SLC2A13: variants seen among roughly 807,000 people sequenced by gnomAD.
SLC2A13 encodes solute carrier family 2 member 13.
Under a neutral mutation model 64.4 loss-of-function variants are expected in SLC2A13, and 32 were observed. That is an observed-to-expected ratio of 0.50 (90% confidence interval 0.37 to 0.67). The LOEUF (loss-of-function observed/expected upper bound fraction) is 0.67, where lower values mean the gene tolerates loss of function less well. SLC2A13 is among the 30% of genes least tolerant of loss of function. The probability of loss-of-function intolerance (pLI) is 0.00; values close to 1 mark genes in which losing one functional copy is unlikely to be tolerated. For synonymous variants in SLC2A13, 338 were observed against 327.1 expected, an observed-to-expected ratio of 1.03 and a Z score of -0.36; for missense variants, 743 against 829.2, an observed-to-expected ratio of 0.90 and a Z score of 1.28.
chr12:39,914,021 T>A (rs972949951), intron 4 of SLC2A13, among the ~76,000 whole-genome samples: 1 of 151,972 alleles, frequency 6.6e-6, no homozygotes, highest in African/African-American at 2.4e-5. Context: ...CAATACAATT[T>A]TAAATTAGTA....
At chr12:39,958,045 C>G (rs528057053) in intron 3 of SLC2A13, among the ~76,000 whole-genome samples, 1 of 152,134 alleles carries the variant, frequency 6.6e-6, no homozygotes, top group East Asian at 1.9e-4. Context: ...AAACAGAAGT[C>G]CTCATTTCTC....
At chr12:39,867,484 A>T (rs1943939948) in intron 5 of SLC2A13, among the ~76,000 whole-genome samples, 1 of 152,142 alleles carries the variant, frequency 6.6e-6, no homozygotes, top group African/African-American at 2.4e-5. Context: ...ACAAAAAAAA[A>T]ACTGTTAAGT....
intron 1 of SLC2A13, among the ~76,000 whole-genome samples, chr12:40,051,297 G>C (rs929044774): frequency 6.6e-6 from 1 of 152,174 alleles, no homozygotes; most frequent in Admixed American, 6.5e-5. Context: ...AAATGACACG[G>C]GGTTTTCTGA....
At chr12:39,998,954 GA>G (rs1947279531) in intron 3 of SLC2A13, among the ~76,000 whole-genome samples, 1 of 152,176 alleles carries the variant, frequency 6.6e-6, no homozygotes, top group African/African-American at 2.4e-5. Flanking sequence ...GTTCTCCTGA[GA>G]GTAAATAAGT....
In SLC2A13 at chr12:40,105,942, C is replaced by T. The variant is rs1939296213; in HGVS notation, c.-134G>A. Reference sequence around the variant, plus strand: ...TTCCTCCCGGCTTCCGCTCCGGCTGCCACGGCAGCAGCCGCCGCCACGGCC... The same window carrying T: ...TTCCTCCCGGCTTCCGCTCCGGCTGTCACGGCAGCAGCCGCCGCCACGGCC... On this transcript the variant is annotated 5_prime_UTR_variant, in exon 1 of 10. Transcript: ENST00000280871. This position sits in a 1 kb window ranked among gnomAD's most constrained non-coding sequence, Gnocchi z 4.2. 3 of 1,133,048 alleles carry T rather than the reference C, an allele frequency of 2.6e-6. No homozygotes were observed. The highest frequency in any genetic ancestry group is 3.3e-5 in the East Asian group (1 of 30,322). The allele number at this position is 1,133,048 out of a possible 1,614,324, so 70.2% of individuals were successfully genotyped here.
chr12:39,902,958 AGGAAAT>A (rs1197169335), intron 4 of SLC2A13, among the ~76,000 whole-genome samples: 4 of 152,132 alleles, frequency 2.6e-5, no homozygotes, highest in Non-Finnish European at 5.9e-5. Flanking sequence ...ACTACGTTCC[AGGAAAT>A]GTTTGTTCAT....
chr12:39,980,270 A>C (rs1172347624), intron 3 of SLC2A13, among the ~76,000 whole-genome samples: 1 of 151,684 alleles, frequency 6.6e-6, no homozygotes, highest in Non-Finnish European at 1.5e-5. Flanking sequence ...ATCAACTAAC[A>C]AGCAAAATCA....
At chr12:39,957,929 G>T (rs1291949808) in intron 3 of SLC2A13, among the ~76,000 whole-genome samples, 1 of 152,076 alleles carries the variant, frequency 6.6e-6, no homozygotes, top group African/African-American at 2.4e-5. Flanking sequence ...AACAAAACAA[G>T]CTATGCCACA....
chr12:40,097,434 C>T (rs1170212174), intron 1 of SLC2A13, among the ~76,000 whole-genome samples: 1 of 151,938 alleles, frequency 6.6e-6, no homozygotes, highest in Admixed American at 6.6e-5. Context: ...GAAAAAGCAA[C>T]CAATGGAATG....
chr12:39,783,807 A>C (rs1195105188), intron 7 of SLC2A13, among the ~76,000 whole-genome samples: 1 of 152,158 alleles, frequency 6.6e-6, no homozygotes, highest in Admixed American at 6.6e-5. Context: ...AGATGACATG[A>C]CTGTATATTT....
chr12:39,890,410 G>A (rs920236212), intron 4 of SLC2A13, among the ~76,000 whole-genome samples: 2 of 152,084 alleles, frequency 1.3e-5, no homozygotes, highest in African/African-American at 4.8e-5. Context: ...TACTTTACCT[G>A]GCAAAGGGAA....
intron 2 of SLC2A13, among the ~76,000 whole-genome samples, chr12:40,034,675 TA>T (rs1167782554): frequency 5.3e-5 from 8 of 152,230 alleles, no homozygotes; most frequent in African/African-American, 1.7e-4. Flanking sequence ...ATGTATTCTT[TA>T]AAATTCTATA....
intron 7 of SLC2A13, among the ~76,000 whole-genome samples, chr12:39,792,791 G>T (rs1355895730): frequency 9.9e-6 from 1 of 101,020 alleles, no homozygotes. Flanking sequence ...TGGAGGGCTG[G>T]CTGTATTTAA....
chr12:39,936,750 G>A (rs902456722), intron 4 of SLC2A13, among the ~76,000 whole-genome samples: 1 of 152,156 alleles, frequency 6.6e-6, no homozygotes, highest in Non-Finnish European at 1.5e-5. Context: ...CTGGCCACAT[G>A]CATCATTGAG....
intron 3 of SLC2A13, among the ~76,000 whole-genome samples, chr12:39,974,596 C>T (rs527280073): frequency 6.6e-6 from 1 of 152,300 alleles, no homozygotes; most frequent in Non-Finnish European, 1.5e-5. Flanking sequence ...CCTGTAGTAT[C>T]TTCTACCACT....
intron 3 of SLC2A13, among the ~76,000 whole-genome samples, chr12:40,024,055 A>G (rs1947764400): frequency 6.6e-6 from 1 of 152,252 alleles, no homozygotes; most frequent in Admixed American, 6.5e-5. Flanking sequence ...GAAGCTAAGC[A>G]GAAAAGTTTG....
rs73278626 is a variant in SLC2A13 at position 39,917,046 on chromosome 12, A to G, written c.1034+34211T>C. On this transcript the variant is annotated intron_variant, in intron 4 of 9. Coordinates refer to ENST00000280871, the MANE Select transcript of SLC2A13 (RefSeq NM_052885.4). ...GACAAATTTATTGAACACCTGCTAT[A>G]TATCATTCACTATGCTGGCAGCAAA... Among the ~76,000 whole-genome samples, 1,155 of 152,202 alleles carry G rather than the reference A, an allele frequency of 7.6e-3. 22 individuals carry two copies. Among genetic ancestry groups the G allele is most frequent in the African/African-American group, 0.026 (1,093 of 41,474 alleles).
At chr12:40,012,821 T>G (rs1407381212) in intron 3 of SLC2A13, among the ~76,000 whole-genome samples, 3 of 152,178 alleles carry the variant, frequency 2.0e-5, no homozygotes, top group Non-Finnish European at 2.9e-5. Flanking sequence ...AATCCAATTT[T>G]ATGGTCCCAG....
At chr12:39,995,265 T>C (rs1346375567) in intron 3 of SLC2A13, among the ~76,000 whole-genome samples, 1 of 152,226 alleles carries the variant, frequency 6.6e-6, no homozygotes, top group African/African-American at 2.4e-5. Flanking sequence ...ACCTTAAACA[T>C]TTATCATTTG....
Sources: allele counts gnomAD v4.1 joint callset (sites outside exome capture counted in the v4.1 genomes callset), GRCh38; gene constraint gnomAD v4.1.1; non-coding constraint Gnocchi (gnomAD v3.1); transcripts MANE v1.5; gene names NCBI Gene and HGNC (gene_info 2026-07-23, HGNC 2026-07-21).